Variants in SLC2A13 observed in about 807,000 individuals in gnomAD.
SLC2A13 encodes the protein solute carrier family 2 member 13.
A neutral mutation model predicts 64.4 loss-of-function variants in SLC2A13; 32 were observed. That is an observed-to-expected ratio of 0.50 (90% CI 0.37 to 0.67). The LOEUF is 0.67. Ranked by LOEUF, SLC2A13 falls within the 30% of genes least tolerant of loss-of-function variation. The pLI is 0.00. For synonymous variants in SLC2A13, 338 were observed against 327.1 expected (o/e 1.03, Z -0.36); for missense variants, 743 against 829.2 (o/e 0.90, Z 1.28).
At chr12:39,977,422 T>C (rs1946783196) in intron 3 of SLC2A13, among the ~76,000 whole-genome samples, 1 of 152,236 alleles carries the variant, frequency 6.6e-6, no homozygotes, top group Non-Finnish European at 1.5e-5. Context: ...GATTATTTTG[T>C]CTCAGTGTTC....
At chr12:39,826,752 T>A (rs1942689489) in intron 7 of SLC2A13, among the ~76,000 whole-genome samples, 1 of 151,022 alleles carries the variant, frequency 6.6e-6, no homozygotes, top group Non-Finnish European at 1.5e-5. Context: ...CATATATATG[T>A]CATATAAAAT....
At chr12:39,815,145 G>A (rs901911180) in intron 7 of SLC2A13, among the ~76,000 whole-genome samples, 4 of 152,104 alleles carry the variant, frequency 2.6e-5, no homozygotes, top group South Asian at 2.1e-4. Flanking sequence ...AATCAAAGTC[G>A]TTGGATTCCA....
chr12:39,899,338 C>T (rs1945020114), intron 4 of SLC2A13, among the ~76,000 whole-genome samples: 1 of 152,126 alleles, frequency 6.6e-6, no homozygotes, highest in Non-Finnish European at 1.5e-5. Context: ...TCCCCTTTAT[C>T]ATTTTTATTG....
At chr12:40,027,041 T>C (rs1395894366) in intron 3 of SLC2A13, among the ~76,000 whole-genome samples, 1 of 151,212 alleles carries the variant, frequency 6.6e-6, no homozygotes, top group African/African-American at 2.4e-5. Flanking sequence ...GATCGCGCCA[T>C]TGCACTCCAA....
rs531975078 is a variant in SLC2A13 at position 40,022,075 on chromosome 12, C to T, written c.925+6226G>A. ...AGAGATGCAGCTGTCCCTTCCTATA[C>T]ATGACAGACATGACCCCCAAGGAAC... On this transcript the variant is annotated intron_variant, in intron 3 of 9. Transcript: ENST00000280871. Among the ~76,000 whole-genome samples the T allele has an allele frequency of 5.9e-5, 9 of 152,080 alleles. No individual in the cohort carries two copies. In the East Asian group the frequency reaches 1.5e-3, roughly 26 times the overall value.
chr12:39,880,458 A>G (rs537421211), intron 4 of SLC2A13, among the ~76,000 whole-genome samples: 1 of 152,226 alleles, frequency 6.6e-6, no homozygotes, highest in Non-Finnish European at 1.5e-5. Flanking sequence ...AAAAGTTAGA[A>G]AAGTAGAAAT....
At chr12:39,889,029 A>G (rs1336426233) in intron 4 of SLC2A13, among the ~76,000 whole-genome samples, 1 of 152,168 alleles carries the variant, frequency 6.6e-6, no homozygotes, top group Non-Finnish European at 1.5e-5. Flanking sequence ...AAATTGAGCA[A>G]TATAACTTAA....
intron 7 of SLC2A13, among the ~76,000 whole-genome samples, chr12:39,806,309 C>T (rs780229427): frequency 2.0e-5 from 3 of 152,196 alleles, no homozygotes; most frequent in Admixed American, 1.3e-4. Flanking sequence ...AAACCTTTGC[C>T]CAACAAATTG....
At chr12:40,053,517 T>C (rs550372279) in intron 1 of SLC2A13, among the ~76,000 whole-genome samples, 2 of 152,212 alleles carry the variant, frequency 1.3e-5, no homozygotes, top group East Asian at 3.9e-4. Flanking sequence ...GGAAATGTCT[T>C]AGAAACATTT....
At chr12:40,053,580 G>A (rs978767409) in intron 1 of SLC2A13, among the ~76,000 whole-genome samples, 1 of 152,136 alleles carries the variant, frequency 6.6e-6, no homozygotes, top group African/African-American at 2.4e-5. Context: ...AGGGGCAAAA[G>A]AGTCTTCTCT....
At position 39,764,790 on chromosome 12, in the gene SLC2A13, T is replaced by C; in HGVS notation, c.1514A>G (p.Tyr505Cys). 6.2e-7 allele frequency: 1 copy of C among 1,612,458 alleles called. No individual in the cohort carries two copies. Among genetic ancestry groups the C allele is most frequent in the Non-Finnish European group, 8.5e-7 (1 of 1,179,172 alleles). The change falls in exon 8 of 10, where the codon TAC (tyrosine) becomes TGC (cysteine). Residue 505 changes from tyrosine (Y) to cysteine (C), a missense_variant. Tyr to Cys is a radical substitution (Grantham distance 194). Transcript: ENST00000280871. The part of the protein sequence containing the change: ...FWAYNFCPTP[Y>C]SWTALLGLIL... ...AAGGCCCAGAAGTGCAGTCCAGGAG[T>C]ATGGAGTAGGGCAGAAATTGTAAGC...
intron 4 of SLC2A13, among the ~76,000 whole-genome samples, chr12:39,915,823 T>C (rs187631042): frequency 2.0e-3 from 307 of 152,014 alleles, no homozygotes; most frequent in Non-Finnish European, 2.7e-3. Flanking sequence ...ATAAAAAAAT[T>C]TGGAAACTAA....
At chr12:40,058,283 C>T (rs1948365695) in intron 1 of SLC2A13, among the ~76,000 whole-genome samples, 1 of 152,068 alleles carries the variant, frequency 6.6e-6, no homozygotes, top group Non-Finnish European at 1.5e-5. Flanking sequence ...AGGAAAAACA[C>T]AGCCAAATTA....
rs1939973537 is a variant in SLC2A13 at position 39,756,545 on chromosome 12, T to C, written c.*3481A>G. On this transcript the variant is annotated 3_prime_UTR_variant, in exon 10 of 10. Coordinates refer to ENST00000280871, the MANE Select transcript of SLC2A13 (RefSeq NM_052885.4). ...TCTCTCCACTGTATTACAGTATTTATGAACTGTATTAGTGTCACTAAATTC... is the reference window on the plus strand; with the variant it reads ...TCTCTCCACTGTATTACAGTATTTACGAACTGTATTAGTGTCACTAAATTC... 1.3e-5 allele frequency: 2 copies of C among 151,976 alleles called. No individual in the cohort carries two copies. The highest frequency in any genetic ancestry group is 4.1e-4 in the South Asian group (2 of 4,836). The allele number at this position is 151,976 out of a possible 1,614,324, so 9.4% of individuals were successfully genotyped here.
chr12:40,068,060 T>C (rs17518253), intron 1 of SLC2A13, among the ~76,000 whole-genome samples: 396 of 152,166 alleles, frequency 2.6e-3, no homozygotes, highest in African/African-American at 9.2e-3. Flanking sequence ...ACCACTACCA[T>C]GCCCAGCTAT....
At chr12:40,083,351 A>G (rs986779245) in intron 1 of SLC2A13, among the ~76,000 whole-genome samples, 3 of 152,116 alleles carry the variant, frequency 2.0e-5, no homozygotes, top group African/African-American at 7.2e-5. Context: ...TTTCTCTTAG[A>G]ACTTAATCCC....
intron 6 of SLC2A13, among the ~76,000 whole-genome samples, chr12:39,857,759 G>T (rs1943645292): frequency 6.6e-6 from 1 of 152,124 alleles, no homozygotes; most frequent in African/African-American, 2.4e-5. Flanking sequence ...AGTTTATTTT[G>T]GTGCCATTCT....
At chr12:39,770,415 C>T (rs1940519736) in intron 7 of SLC2A13, among the ~76,000 whole-genome samples, 1 of 152,152 alleles carries the variant, frequency 6.6e-6, no homozygotes, top group Non-Finnish European at 1.5e-5. Context: ...CGTGACTCTA[C>T]CACTTAATAG....
chr12:40,082,418 C>G (rs549929362), intron 1 of SLC2A13, among the ~76,000 whole-genome samples: 1 of 152,196 alleles, frequency 6.6e-6, no homozygotes, highest in Non-Finnish European at 1.5e-5. Flanking sequence ...ACAACTCCTA[C>G]AGAAGCTCTC....
Sources: gnomAD v4.1 joint callset for allele counts (sites outside exome capture counted in the v4.1 genomes callset) on GRCh38, gnomAD v4.1.1 for gene constraint, MANE v1.5 for transcripts, NCBI Gene and HGNC (gene_info 2026-07-23, HGNC 2026-07-21) for gene names.